The following TUSC3 variants were observed in gnomAD, a reference collection of about 807,000 sequenced individuals.
TUSC3 encodes the protein tumor suppressor candidate 3.
Under a neutral mutation model 44.8 loss-of-function variants are expected in TUSC3, and 45 were observed. That is an observed-to-expected ratio of 1.00 (90% CI 0.79 to 1.29). The LOEUF is 1.29. TUSC3 is among the 50% of genes most tolerant of loss of function. The pLI is 0.00. For synonymous variants in TUSC3, 212 were observed against 152.9 expected, an observed-to-expected ratio of 1.39 and a Z score of -2.85; for missense variants, 519 against 437.9, an observed-to-expected ratio of 1.19 and a Z score of -1.65.
chr8:15,563,294 G>A (rs143237634), intron 1 of TUSC3, among the ~76,000 whole-genome samples: 1 of 152,044 alleles, frequency 6.6e-6, no homozygotes, highest in East Asian at 1.9e-4. Flanking sequence ...TATGTCTCTC[G>A]ATTTATTTGC....
At chr8:15,499,657 A>G (rs1800931719) in intron 2 of TUSC3, among the ~76,000 whole-genome samples, 1 of 152,156 alleles carries the variant, frequency 6.6e-6, no homozygotes, top group African/African-American at 2.4e-5. Flanking sequence ...GTGCTTAGAT[A>G]TTTAGTTAAA....
chr8:15,789,744 G>A, the TUSC3 span, among the ~76,000 whole-genome samples: 1 of 152,114 alleles, frequency 6.6e-6, no homozygotes, highest in African/African-American at 2.4e-5. Flanking sequence ...ATGCATTGGG[G>A]CTGCAATAAG....
chr8:15,511,401 A>G (rs751300572), intron 2 of TUSC3, among the ~76,000 whole-genome samples: 1 of 152,240 alleles, frequency 6.6e-6, no homozygotes, highest in Non-Finnish European at 1.5e-5. Flanking sequence ...AATATACAAA[A>G]TAGTTACTAG....
At chr8:15,744,150 A>G (rs1367464713) in intron 8 of TUSC3, among the ~76,000 whole-genome samples, 3 of 152,238 alleles carry the variant, frequency 2.0e-5, no homozygotes, top group Non-Finnish European at 2.9e-5. Context: ...TGCCTTTTCC[A>G]TTGATATACC....
intron 1 of TUSC3, among the ~76,000 whole-genome samples, chr8:15,585,418 A>G (rs1284167396): frequency 6.6e-6 from 1 of 152,190 alleles, no homozygotes; most frequent in African/African-American, 2.4e-5. Flanking sequence ...CGTGGACACA[A>G]AGGGTGAGGT....
At chr8:15,759,368 G>C (rs2129223764) in intron 10 of TUSC3, among the ~76,000 whole-genome samples, 1 of 152,092 alleles carries the variant, frequency 6.6e-6, no homozygotes, top group East Asian at 1.9e-4. Context: ...CTGTCGAGCT[G>C]AGGATATCGG....
chr8:15,748,888 GAAAGGGAAAA>G (rs1811542560), intron 9 of TUSC3: 6 of 387,114 alleles, frequency 1.5e-5, no homozygotes, highest in South Asian at 1.1e-4. Context: ...GAGCCAACAT[GAAAGGGAAAA>G]GTTAAGTAAT....
At chr8:15,768,469 C>T (rs1482306277), downstream of TUSC3, among the ~76,000 whole-genome samples, 1 of 152,070 alleles carries the variant, frequency 6.6e-6, no homozygotes, top group Non-Finnish European at 1.5e-5. Flanking sequence ...CAGAAACTGA[C>T]CCTGAGGCAG....
chr8:15,601,398 A>G (rs1402737694), intron 1 of TUSC3, among the ~76,000 whole-genome samples: 1 of 151,674 alleles, frequency 6.6e-6, no homozygotes, highest in African/African-American at 2.4e-5. Context: ...GAATGGATCT[A>G]GGGAGAGATC....
At chr8:15,609,546 G>A (rs957844606) in intron 1 of TUSC3, among the ~76,000 whole-genome samples, 9 of 152,110 alleles carry the variant, frequency 5.9e-5, no homozygotes, top group South Asian at 2.1e-4. Flanking sequence ...CAAGAAAAAT[G>A]GTGACAGAAG....
rs1563270799 is a variant in TUSC3, at chr8:15,512,822, GT to G, written n.189+29340del. Among the ~76,000 whole-genome samples, 12 of 864 alleles carry G rather than the reference GT, an allele frequency of 0.014. No individual in the cohort carries two copies. In the Non-Finnish European group the frequency reaches 0.16, roughly 11 times the overall value. The allele number at this position is 864 out of a possible 152,430, so 0.6% of individuals were successfully genotyped here. A position where few individuals can be genotyped will look rare whatever the true frequency, so the allele number is the denominator to read the frequency against. ...AATAAATCCCATTCTGTCTTGGGGT[GT>G]GTGTGTGTGTGTATATATATTTGTG... On this transcript the variant is annotated intron_variant and non_coding_transcript_variant, in intron 2 of 5. Coordinates refer to the TUSC3 transcript ENST00000503191.
chr8:15,738,479 A>T (rs1811030500), intron 7 of TUSC3, among the ~76,000 whole-genome samples: 2 of 152,188 alleles, frequency 1.3e-5, no homozygotes, highest in South Asian at 4.1e-4. Flanking sequence ...TGGAACACAG[A>T]AACACCCATT....
At chr8:15,463,006 C>G (rs1272632429) in intron 1 of TUSC3, among the ~76,000 whole-genome samples, 3 of 151,910 alleles carry the variant, frequency 2.0e-5, no homozygotes, top group African/African-American at 7.2e-5. Flanking sequence ...TTGTTCTCTT[C>G]TCTTTATTTT....
chr8:15,821,103 C>T, the TUSC3 span, among the ~76,000 whole-genome samples: 1 of 152,040 alleles, frequency 6.6e-6, no homozygotes, highest in African/African-American at 2.4e-5. Flanking sequence ...TCTTAGTTTT[C>T]CCTCATCTTA....
intron 2 of TUSC3, among the ~76,000 whole-genome samples, chr8:15,500,481 T>C (rs1053572813): frequency 6.6e-6 from 1 of 152,290 alleles, no homozygotes; most frequent in Non-Finnish European, 1.5e-5. Flanking sequence ...TTTTAGATCA[T>C]TGAGAACTAG....
chr8:15,443,225 G>A (rs1800043765), intron 1 of TUSC3, among the ~76,000 whole-genome samples: 1 of 151,750 alleles, frequency 6.6e-6, no homozygotes, highest in Non-Finnish European at 1.5e-5. Context: ...GAGTGCTGGA[G>A]TGCAGTGGTG....
chr8:15,598,863 T>G (rs1000210583), intron 1 of TUSC3, among the ~76,000 whole-genome samples: 9 of 151,944 alleles, frequency 5.9e-5, no homozygotes, highest in Non-Finnish European at 1.0e-4. Context: ...CTTGGTTGCT[T>G]CTGAGTTTTG....
chr8:15,511,736 G>A (rs1044157191), intron 2 of TUSC3, among the ~76,000 whole-genome samples: 2 of 152,096 alleles, frequency 1.3e-5, no homozygotes, highest in Non-Finnish European at 2.9e-5. Context: ...CGGGCGTGGT[G>A]GTGGGTGCCT....
intron 2 of TUSC3, among the ~76,000 whole-genome samples, chr8:15,638,829 G>T (rs924423445): frequency 6.6e-6 from 1 of 152,114 alleles, no homozygotes; most frequent in Non-Finnish European, 1.5e-5. Context: ...CCTGGCTGAG[G>T]ACAAATACTA....
Sources: gnomAD v4.1 joint callset for allele counts (sites outside exome capture counted in the v4.1 genomes callset) on GRCh38, gnomAD v4.1.1 for gene constraint, MANE v1.5 for transcripts, NCBI Gene and HGNC (gene_info 2026-07-23, HGNC 2026-07-21) for gene names.